The following AXIN2 variants were observed in gnomAD, a reference collection of about 807,000 sequenced individuals.
AXIN2 encodes axin 2.
In AXIN2, 21 loss-of-function variants were observed where a neutral mutation model predicts 74.7. The ratio of observed to expected loss-of-function variants is 0.28; its 90% confidence interval spans 0.20 to 0.40. The LOEUF is 0.40. AXIN2 is among the 10% of genes least tolerant of loss of function. The pLI is 1.00. For missense variants in AXIN2, 1,144 were observed against 1,111.1 expected (o/e 1.03, Z -0.42); for synonymous variants, 532 against 454.9 (o/e 1.17, Z -2.16).
intron 1 of AXIN2, chr17:65,560,370 G>A (rs937587644): frequency 7.3e-6 from 1 of 136,180 alleles, no homozygotes; most frequent in African/African-American, 2.7e-5. Context: ...GCAGGGAGGG[G>A]AAAAGGGGAG....
At chr17:65,554,916 G>A (rs1398252915) in intron 2 of AXIN2, among the ~76,000 whole-genome samples, 1 of 152,216 alleles carries the variant, frequency 6.6e-6, no homozygotes, top group Non-Finnish European at 1.5e-5. Flanking sequence ...GACACTGTGC[G>A]TGTGTGTGTC....
intron 3 of AXIN2, 56 bp from the exon 4 acceptor site, chr17:65,541,613 C>G: frequency 5.7e-6 from 8 of 1,397,686 alleles, no homozygotes; most frequent in Non-Finnish European, 7.1e-6. Context: ...TTCAGCACAT[C>G]ACATGGGCTA....
intron 2 of AXIN2, among the ~76,000 whole-genome samples, chr17:65,554,562 G>A (rs776174827): frequency 5.3e-5 from 8 of 152,230 alleles, no homozygotes; most frequent in Non-Finnish European, 7.3e-5. Flanking sequence ...ACTGCTTCCA[G>A]CATATCTTTC....
In AXIN2 at chr17:65,558,045, A is replaced by C. The variant is rs2144584451; in HGVS notation, c.576T>G (p.Thr192=). Residue 192 remains threonine (T), a synonymous_variant, in exon 2 of 11, where the codon ACT becomes ACG. Coordinates refer to ENST00000307078, the MANE Select transcript of AXIN2 (RefSeq NM_004655.4). The part of the protein sequence containing the change: ...MEENAYQMFL[T]SDIYLEYVRS... ...TCACATATTCGAGGTATATATCAGAAGTCAAAAACATCTGGTAGGCATTTT... is the reference window on the plus strand; with the variant it reads ...TCACATATTCGAGGTATATATCAGACGTCAAAAACATCTGGTAGGCATTTT... The C allele has an allele frequency of 6.2e-7, 1 of 1,614,140 alleles. No homozygotes were observed. Among genetic ancestry groups the C allele is most frequent in the Non-Finnish European group, 8.5e-7 (1 of 1,180,042 alleles).
intron 2 of AXIN2, among the ~76,000 whole-genome samples, chr17:65,551,186 CTGGGACAGA>C (rs758319068): frequency 5.9e-5 from 9 of 152,104 alleles, no homozygotes; most frequent in South Asian, 2.1e-4. Context: ...GGACGGCTCC[CTGGGACAGA>C]TGGGACTGAT....
intron 10 of AXIN2, among the ~76,000 whole-genome samples, chr17:65,532,831 C>G (rs899677852): frequency 2.0e-5 from 3 of 152,216 alleles, no homozygotes; most frequent in Non-Finnish European, 2.9e-5. Flanking sequence ...ACAGGGACAA[C>G]AGCACACAGC....
At chr17:65,536,177 C>T in intron 8 of AXIN2, 143 bp downstream of exon 8, 1 of 852,052 alleles carries the variant, frequency 1.2e-6, no homozygotes. Context: ...AAAGCAGCAG[C>T]TTACTCATCC....
Position 65,556,768 on chromosome 17 carries a change from C to A in AXIN2, c.815+1038G>T, listed in dbSNP as rs79659722. Among the ~76,000 whole-genome samples the A allele has an allele frequency of 5.2e-3, 798 of 152,250 alleles. 7 individuals are homozygous for A. The highest frequency in any genetic ancestry group is 0.018 in the African/African-American group (753 of 41,534). The stretch of plus-strand genomic sequence containing the variant: ...CTACAGAGAAAGGGAAATCCAGAGG[C>A]AGCTATCAGACCGCATCCTGGGCCC... On this transcript the variant is annotated intron_variant, in intron 2 of 10. Transcript: ENST00000307078.
Position 65,529,813 on chromosome 17 carries a change from C to G in AXIN2, c.*163G>C. The G allele has an allele frequency of 1.8e-6, 2 of 1,134,626 alleles. No individual in the cohort carries two copies. Among genetic ancestry groups the G allele is most frequent in the Non-Finnish European group, 2.5e-6 (2 of 784,684 alleles). The allele number at this position is 1,134,626 out of a possible 1,614,324, so 70.3% of individuals were successfully genotyped here. A position where few individuals can be genotyped will look rare whatever the true frequency, so the allele number is the denominator to read the frequency against. On this transcript the variant is annotated 3_prime_UTR_variant, in exon 11 of 11. Transcript: ENST00000307078. ...CAGCTCATGAATCATGAAAATCAAC[C>G]TCCCCCCGCCCTCCCGAAGGCCCAC...
chr17:65,545,065 C>T (rs142745860), intron 3 of AXIN2, among the ~76,000 whole-genome samples: 133 of 152,264 alleles, frequency 8.7e-4, no homozygotes, highest in African/African-American at 3.2e-3. Context: ...AAATAACTCG[C>T]GACATTCCCT....
chr17:65,561,395 T>C (rs2044373553), intron 1 of AXIN2, 55 bp downstream of exon 1: 1 of 143,756 alleles, frequency 7.0e-6, no homozygotes, highest in African/African-American at 2.5e-5. Flanking sequence ...TCGCCCCCTG[T>C]AAGAGGGGGG....
chr17:65,558,782 T>G, intron 1 of AXIN2, 46 bp from the exon 2 acceptor site: 1 of 741,368 alleles, frequency 1.3e-6, no homozygotes, highest in Non-Finnish European at 2.3e-6. Flanking sequence ...GAAAAGGGTA[T>G]TGATCTAATC....
intron 10 of AXIN2, among the ~76,000 whole-genome samples, chr17:65,530,576 G>A (rs1382792585): frequency 6.6e-6 from 1 of 152,226 alleles, no homozygotes; most frequent in Non-Finnish European, 1.5e-5. Flanking sequence ...GCCGGAACCT[G>A]CCGAAGTCTG....
intron 2 of AXIN2, among the ~76,000 whole-genome samples, chr17:65,554,230 C>CCTCCTT (rs1196451705): frequency 6.6e-6 from 1 of 152,102 alleles, no homozygotes; most frequent in Non-Finnish European, 1.5e-5. Flanking sequence ...TAGGGGTCCT[C>CCTCCTT]CTCCTTCTCC....
rs139274803 is a variant in AXIN2 at position 65,549,583 on chromosome 17, T to C, written c.893A>G (p.Asn298Ser). The change falls in exon 3 of 11, where the codon AAC (asparagine) becomes AGC (serine). Residue 298 changes from asparagine (N) to serine (S), a missense_variant. By Grantham distance (46) the Asn-to-Ser change is conservative (BLOSUM62 1). This residue lies in a region of AXIN2 where 1,053 missense variants were observed against 973.5 expected (regional missense o/e 1.08). Transcript: ENST00000307078. Reference protein sequence around the residue: ...GYVFAPATSANDSEISSDALT... With the variant: ...GYVFAPATSASDSEISSDALT... The stretch of plus-strand genomic sequence containing the variant: ...CGCATCACTGGATATCTCACTGTCG[T>C]TGGCGCTGGTGGCTGGTGCAAAGAC... 3.1e-6 allele frequency: 5 copies of C among 1,608,696 alleles called. No individual in the cohort carries two copies. Among genetic ancestry groups the C allele is most frequent in the Admixed American group, 3.4e-5 (2 of 59,252 alleles).
Position 65,537,494 on chromosome 17 carries a change from G to C in AXIN2, c.1542C>G (p.Val514=), listed in dbSNP as rs2144459978. The C allele has an allele frequency of 1.2e-6, 2 of 1,613,896 alleles. No homozygotes were observed. The highest frequency in any genetic ancestry group is 8.5e-7 in the Non-Finnish European group (1 of 1,179,998). Residue 514 remains valine, a synonymous_variant, in exon 6 of 11, where the codon GTC becomes GTG. Transcript: ENST00000307078. ...CATGGTGGTGGATGTAGTGGTGGTG[G>C]ACATGCTTCGTCGTCTGCTTGGTCA... ...GFVTKQTTKH[V]HHHYIHHHAV...
At chr17:65,530,396 T>A (rs1790619360) in intron 10 of AXIN2, among the ~76,000 whole-genome samples, 1 of 152,120 alleles carries the variant, frequency 6.6e-6, no homozygotes, top group Non-Finnish European at 1.5e-5. Context: ...GTATACACTG[T>A]GAAAAGCAGA....
At chr17:65,538,080 C>T in intron 5 of AXIN2, 123 bp downstream of exon 5, 1 of 1,541,936 alleles carries the variant, frequency 6.5e-7, no homozygotes, top group Non-Finnish European at 8.8e-7. Flanking sequence ...ACACGCAGCC[C>T]ACGCGCATGC....
intron 9 of AXIN2, among the ~76,000 whole-genome samples, chr17:65,534,802 C>T (rs897655728): frequency 2.0e-5 from 3 of 152,094 alleles, no homozygotes; most frequent in African/African-American, 4.8e-5. Flanking sequence ...TGGTGGTGGG[C>T]GCCTGCAATC....
Sources: gnomAD v4.1 joint callset for allele counts (sites outside exome capture counted in the v4.1 genomes callset) on GRCh38, gnomAD v4.1.1 for gene constraint, gnomAD v4.1.1 regional missense constraint, MANE v1.5 for transcripts, NCBI Gene and HGNC (gene_info 2026-07-23, HGNC 2026-07-21) for gene names.